NOVA2: variants seen among roughly 807,000 people sequenced by gnomAD.
The protein encoded by NOVA2 is NOVA alternative splicing regulator 2.
Under a neutral mutation model 22.5 loss-of-function variants are expected in NOVA2, and 9 were observed. The observed-to-expected ratio is 0.40, with a 90% CI of 0.24 to 0.70. The LOEUF is 0.70. NOVA2 is among the 30% of genes least tolerant of loss of function. The pLI is 0.38. For missense variants in NOVA2, 383 were observed against 682.8 expected (o/e 0.56, Z 4.89); for synonymous variants, 318 against 335.2 (o/e 0.95, Z 0.56).
intron 3 of NOVA2, among the ~76,000 whole-genome samples, chr19:45,941,604 G>A (rs967594301): frequency 1.3e-4 from 19 of 151,578 alleles, no homozygotes; most frequent in African/African-American, 4.6e-4. Context: ...TAAAAATATT[G>A]AAATATTTCA....
chr19:45,962,455 A>T, intron 1 of NOVA2: 1 of 152,870 alleles, frequency 6.5e-6, no homozygotes. Context: ...GAACACAGCT[A>T]CTGGGCTCAG....
chr19:45,939,788 G>A lies in NOVA2; in HGVS notation c.*75C>T. 1.3e-6 allele frequency: 2 copies of A among 1,574,968 alleles called. No homozygotes were observed. The highest frequency in any genetic ancestry group is 1.1e-5 in the South Asian group (1 of 87,988). On this transcript the variant is annotated 3_prime_UTR_variant, in exon 4 of 4. Coordinates refer to ENST00000263257, the MANE Select transcript of NOVA2 (RefSeq NM_002516.4). ...CAGGACTACACCAAGCTGAGGTCAGGAGTTGGGGGGGAGGAGGAGAGGGAA... is the reference window on the plus strand; with the variant it reads ...CAGGACTACACCAAGCTGAGGTCAGAAGTTGGGGGGGAGGAGGAGAGGGAA...
At chr19:45,948,464 G>C (rs993081383) in intron 3 of NOVA2, among the ~76,000 whole-genome samples, 3 of 151,936 alleles carry the variant, frequency 2.0e-5, no homozygotes, top group Admixed American at 2.0e-4. Context: ...GCCAGGTGTG[G>C]TGGCGGGTGC....
Position 45,939,726 on chromosome 19 carries a change from T to C in NOVA2, c.*137A>G. The C allele has an allele frequency of 9.3e-7, 1 of 1,073,518 alleles. No individual in the cohort carries two copies. Among genetic ancestry groups the C allele is most frequent in the African/African-American group, 1.6e-5 (1 of 62,058 alleles). 66.5% of individuals were successfully genotyped at this position (1,073,518 alleles called of 1,614,324 possible). A position where few individuals can be genotyped will look rare whatever the true frequency, so the allele number is the denominator to read the frequency against. On this transcript the variant is annotated 3_prime_UTR_variant, in exon 4 of 4. Coordinates refer to ENST00000263257, the MANE Select transcript of NOVA2 (RefSeq NM_002516.4). ...GCCTATGACTACCAGAAGGGGAGGGTGCAGTCGGGCCTACCCCAGCCCCAT... is the reference window on the plus strand; with the variant it reads ...GCCTATGACTACCAGAAGGGGAGGGCGCAGTCGGGCCTACCCCAGCCCCAT...
intron 3 of NOVA2, among the ~76,000 whole-genome samples, chr19:45,950,075 G>A (rs141075859): frequency 7.2e-5 from 11 of 151,762 alleles, no homozygotes; most frequent in African/African-American, 2.7e-4. Context: ...TGTGACCTTA[G>A]GCAAATGCCT....
intron 3 of NOVA2, among the ~76,000 whole-genome samples, chr19:45,945,141 C>CA (rs1967817481): frequency 6.6e-6 from 1 of 151,712 alleles, no homozygotes; most frequent in African/African-American, 2.4e-5. Flanking sequence ...CTCATCTCTA[C>CA]AAAAAATAAA....
At chr19:45,949,337 AAAAC>A in intron 3 of NOVA2, among the ~76,000 whole-genome samples, 3 of 151,986 alleles carry the variant, frequency 2.0e-5, no homozygotes, top group East Asian at 1.9e-4. Context: ...AAAAAAAAAA[AAAAC>A]ACCAGGAAAA....
intron 1 of NOVA2, among the ~76,000 whole-genome samples, chr19:45,965,721 CTG>C (rs1968159283): frequency 1.3e-5 from 2 of 150,058 alleles, no homozygotes; most frequent in South Asian, 2.1e-4. Flanking sequence ...CAGAGTGAGA[CTG>C]TGTCTCAAAA....
At position 45,939,643 on chromosome 19, in the gene NOVA2, T is replaced by G; in HGVS notation, c.*220A>C. 3.4e-6 allele frequency: 2 copies of G among 582,874 alleles called. No individual in the cohort carries two copies. The highest frequency in any genetic ancestry group is 2.2e-5 in the South Asian group (1 of 45,830). The allele number at this position is 582,874 out of a possible 1,614,324, so 36.1% of individuals were successfully genotyped here. On this transcript the variant is annotated 3_prime_UTR_variant, in exon 4 of 4. Transcript: ENST00000263257. The stretch of plus-strand genomic sequence containing the variant: ...AGCACAGGGAGGGAGGAAGGAGGGG[T>G]CAGTTCCGGGCTGGGGAGGGGGCTT...
intron 2 of NOVA2, 41 bp from the exon 3 acceptor site, chr19:45,953,987 G>GAA: frequency 6.2e-7 from 1 of 1,603,984 alleles, no homozygotes; most frequent in Non-Finnish European, 8.5e-7. Context: ...CATGAGACAG[G>GAA]AATGGGAACA....
chr19:45,958,004 C>T (rs962625149), intron 2 of NOVA2, among the ~76,000 whole-genome samples: 3 of 149,506 alleles, frequency 2.0e-5, no homozygotes, highest in African/African-American at 4.9e-5. Context: ...CCCAGCTACT[C>T]GGGAGGCTGA....
intron 3 of NOVA2, among the ~76,000 whole-genome samples, chr19:45,948,645 G>T (rs533235535): frequency 6.6e-6 from 1 of 150,704 alleles, no homozygotes; most frequent in Non-Finnish European, 1.5e-5. Context: ...AAAAAGAAAT[G>T]ATTATTGTCA....
intron 1 of NOVA2, among the ~76,000 whole-genome samples, chr19:45,969,234 GT>G (rs1968203572): frequency 1.3e-5 from 2 of 150,760 alleles, no homozygotes. Context: ...GCTGGGAATG[GT>G]GGCTCACACC....
At chr19:45,963,781 C>T (rs1047695357) in intron 1 of NOVA2, among the ~76,000 whole-genome samples, 6 of 152,158 alleles carry the variant, frequency 3.9e-5, no homozygotes, top group African/African-American at 7.2e-5. Flanking sequence ...CTGCCCTCCT[C>T]GGCCTCCCAA....
intron 3 of NOVA2, among the ~76,000 whole-genome samples, chr19:45,943,382 G>C (rs918330750): frequency 2.6e-5 from 4 of 151,112 alleles, no homozygotes; most frequent in East Asian, 4.0e-4. Flanking sequence ...TGAATGTCCT[G>C]TTGGACATTC....
chr19:45,972,904 G>A (rs1398529317), intron 1 of NOVA2, among the ~76,000 whole-genome samples: 2 of 151,736 alleles, frequency 1.3e-5, no homozygotes, highest in African/African-American at 4.8e-5. Context: ...CCCTCCCCCA[G>A]CCAGGACACG....
At chr19:45,972,793 C>G (rs969978512) in intron 1 of NOVA2, among the ~76,000 whole-genome samples, 2 of 152,142 alleles carry the variant, frequency 1.3e-5, no homozygotes, top group African/African-American at 4.8e-5. Flanking sequence ...ACGCACGATC[C>G]GGCCAGGGCC....
At chr19:45,962,860 C>G (rs1968116160) in intron 1 of NOVA2, among the ~76,000 whole-genome samples, 2 of 152,040 alleles carry the variant, frequency 1.3e-5, no homozygotes, top group Admixed American at 1.3e-4. Context: ...GTTGGTCAGG[C>G]TGGTCTCAAA....
chr19:45,971,582 G>C (rs1968232656), intron 1 of NOVA2, among the ~76,000 whole-genome samples: 1 of 152,102 alleles, frequency 6.6e-6, no homozygotes, highest in Non-Finnish European at 1.5e-5. Flanking sequence ...TGGAGGTGGG[G>C]GAGGGCTAGG....
Sources: allele counts gnomAD v4.1 joint callset (sites outside exome capture counted in the v4.1 genomes callset), GRCh38; gene constraint gnomAD v4.1.1; transcripts MANE v1.5; gene names NCBI Gene and HGNC (gene_info 2026-07-23, HGNC 2026-07-21).